BRAP: variants seen among roughly 807,000 people sequenced by gnomAD.
The protein encoded by BRAP is BRCA1-associated protein.
A neutral mutation model predicts 73.4 loss-of-function variants in BRAP; 42 were observed. That is an observed-to-expected ratio of 0.57 (90% CI 0.45 to 0.74). The LOEUF is 0.74. Ranked by LOEUF, BRAP falls within the 30% of genes least tolerant of loss-of-function variation. The pLI, the probability that BRAP is intolerant of heterozygous loss-of-function variation, is 0.00. For synonymous variants in BRAP, 255 were observed against 267.4 expected, an observed-to-expected ratio of 0.95 and a Z score of 0.45; for missense variants, 593 against 751.4, an observed-to-expected ratio of 0.79 and a Z score of 2.46.
intron 3 of BRAP, 116 bp downstream of exon 3, chr12:111,681,521 T>C: frequency 2.6e-6 from 2 of 772,270 alleles, no homozygotes; most frequent in Non-Finnish European, 4.0e-6. Context: ...ACAAAAGTAT[T>C]ATTATTTTGA....
At chr12:111,677,543 G>C (rs961310707) in intron 4 of BRAP, among the ~76,000 whole-genome samples, 1 of 152,162 alleles carries the variant, frequency 6.6e-6, no homozygotes, top group Admixed American at 6.6e-5. Context: ...CACAGTTTCC[G>C]CAAGGGATTG....
chr12:111,646,331 C>T (rs1190418542), intron 11 of BRAP, among the ~76,000 whole-genome samples: 4 of 151,838 alleles, frequency 2.6e-5, no homozygotes, highest in Admixed American at 6.6e-5. Flanking sequence ...ACAAAAACCA[C>T]GAACAAAAAA....
intron 2 of BRAP, 47 bp downstream of exon 2, chr12:111,683,099 C>T (rs1887665558): frequency 4.5e-6 from 7 of 1,571,308 alleles, no homozygotes; most frequent in Non-Finnish European, 8.6e-7. Context: ...AAATAGGCAA[C>T]CAGTGTTCAC....
chr12:111,663,285 C>G (rs999313564), intron 6 of BRAP, among the ~76,000 whole-genome samples: 1 of 151,974 alleles, frequency 6.6e-6, no homozygotes, highest in Non-Finnish European at 1.5e-5. Flanking sequence ...AAAACCCCAT[C>G]TCTACTAAAA....
chr12:111,652,951 C>T (rs745956307), intron 10 of BRAP, among the ~76,000 whole-genome samples: 12 of 152,148 alleles, frequency 7.9e-5, no homozygotes, highest in African/African-American at 1.7e-4. Flanking sequence ...CCTCATGATC[C>T]GCCCGCCTTG....
chr12:111,659,242 T>C lies in BRAP; in HGVS notation c.1076A>G (p.Gln359Arg). The change falls in exon 8 of 12, where the codon CAG becomes CGG. Residue 359 changes from glutamine to arginine, a missense_variant. By Grantham distance (43) the Gln-to-Arg change is conservative. Transcript: ENST00000419234. ...FEETQHTYAM[Q>R]LTNHRVWDYA... Reference sequence around the variant, plus strand: ...GTCCCAGACTCGATGGTTGGTAAGCTGCATGGCATACGTGTGCTGCGTTTC... The same window carrying C: ...GTCCCAGACTCGATGGTTGGTAAGCCGCATGGCATACGTGTGCTGCGTTTC... 2 of 1,614,154 alleles carry C rather than the reference T, an allele frequency of 1.2e-6. No homozygotes were observed. Among genetic ancestry groups the C allele is most frequent in the Non-Finnish European group, 1.7e-6 (2 of 1,180,030 alleles).
At chr12:111,667,078 A>C (rs1405030253) in intron 5 of BRAP, among the ~76,000 whole-genome samples, 1 of 152,174 alleles carries the variant, frequency 6.6e-6, no homozygotes, top group African/African-American at 2.4e-5. Flanking sequence ...AATGGACAAA[A>C]ATTGATAGTT....
intron 10 of BRAP, among the ~76,000 whole-genome samples, chr12:111,653,753 G>C (rs925144731): frequency 3.3e-5 from 5 of 152,128 alleles, no homozygotes; most frequent in African/African-American, 1.2e-4. Context: ...GGGTGCTAAC[G>C]GACAAGGGAC....
chr12:111,644,454 T>C lies in BRAP; in HGVS notation c.1524A>G (p.Leu508=), dbSNP rs747235004. 2.5e-6 allele frequency: 4 copies of C among 1,614,110 alleles called. No individual in the cohort carries two copies. The highest frequency in any genetic ancestry group is 3.4e-6 in the Non-Finnish European group (4 of 1,180,012). ...RANQVLLQNK[L]KEEERVLKET... is the part of the protein sequence containing the mutation. ...CCTTCAGCACCCTCTCCTCCTCTTT[T>C]AGCTTGTTCTGCAGGAGGACTTGGT... Residue 508 remains leucine (L), a synonymous_variant, in exon 12 of 12, where the codon CTA becomes CTG. Transcript: ENST00000419234.
chr12:111,656,256 G>A (rs1467668083), intron 9 of BRAP, among the ~76,000 whole-genome samples: 2 of 152,226 alleles, frequency 1.3e-5, no homozygotes, highest in Admixed American at 6.6e-5. Context: ...ACAGGGAAGG[G>A]ACAGATGGCG....
chr12:111,644,040 ATTC>A lies in BRAP; in HGVS notation c.*156_*158del. ...CAGCTCTCCAGTCAGCACCCTTTAC[ATTC>A]ACTACATCACACACTAGCAAATGAA... On this transcript the variant is annotated 3_prime_UTR_variant, in exon 12 of 12. Transcript: ENST00000419234. 2 of 1,168,586 alleles carry A rather than the reference ATTC, an allele frequency of 1.7e-6. No individual in the cohort carries two copies. The highest frequency in any genetic ancestry group is 2.3e-6 in the Non-Finnish European group (2 of 856,106). The allele number at this position is 1,168,586 out of a possible 1,614,324, so 72.4% of individuals were successfully genotyped here.
At chr12:111,673,783 C>T (rs1477537284) in intron 4 of BRAP, among the ~76,000 whole-genome samples, 1 of 152,066 alleles carries the variant, frequency 6.6e-6, no homozygotes, top group East Asian at 1.9e-4. Flanking sequence ...CATTTGCTAG[C>T]GTTAGAAAAT....
At chr12:111,648,866 C>T (rs543152805) in intron 11 of BRAP, among the ~76,000 whole-genome samples, 1 of 151,174 alleles carries the variant, frequency 6.6e-6, no homozygotes, top group Admixed American at 6.6e-5. Flanking sequence ...GCGGAGCTTG[C>T]AGTGAGCCGA....
intron 10 of BRAP, among the ~76,000 whole-genome samples, chr12:111,651,358 C>T (rs1449274322): frequency 2.6e-5 from 4 of 151,748 alleles, no homozygotes; most frequent in African/African-American, 4.8e-5. Flanking sequence ...GCCAAGATGG[C>T]GAAAGCCCGT....
chr12:111,683,145 C>T lies in BRAP; in HGVS notation c.244+1G>A, dbSNP rs1423731191. On this transcript the variant is annotated splice_donor_variant, in intron 2 of 11. Coordinates refer to ENST00000419234, the MANE Select transcript of BRAP (RefSeq NM_006768.5). LOFTEE classifies it high-confidence loss of function. ...AGAGTCCAGGGTTTTAGAAAGCATA[C>T]CTGGGTTGGACTTCATGGTCTCAAT... The T allele has an allele frequency of 1.9e-6, 3 of 1,612,392 alleles. No homozygotes were observed. The highest frequency in any genetic ancestry group is 3.4e-5 in the Admixed American group (2 of 59,568).
In BRAP at chr12:111,685,721, G is replaced by A. The variant is rs2135935933; in HGVS notation, c.72C>T (p.Phe24=). The change falls in exon 1 of 12, where the codon TTC becomes TTT. Residue 24 remains phenylalanine, a synonymous_variant. Coordinates refer to ENST00000419234, the MANE Select transcript of BRAP (RefSeq NM_006768.5). ...GGCCGCGGGACTCACCCGCGGCGCT[G>A]AAGCCGAAGCCGGCGGGGACAGGCG... ...EHSPVPAGFG[F]SAAAGEMSDE... 2 of 1,606,642 alleles carry A rather than the reference G, an allele frequency of 1.2e-6. No homozygotes were observed. Among genetic ancestry groups the A allele is most frequent in the Non-Finnish European group, 1.7e-6 (2 of 1,177,812 alleles).
chr12:111,667,902 T>C (rs937061369), intron 5 of BRAP, among the ~76,000 whole-genome samples: 2 of 151,802 alleles, frequency 1.3e-5, no homozygotes, highest in East Asian at 1.9e-4. Context: ...AAATCAACCA[T>C]GTAATTTTAC....
chr12:111,681,764 G>T lies in BRAP; in HGVS notation c.316C>A (p.His106Asn). 2 of 1,614,068 alleles carry T rather than the reference G, an allele frequency of 1.2e-6. No individual in the cohort carries two copies. The highest frequency in any genetic ancestry group is 2.2e-5 in the South Asian group (2 of 91,064). ...ASPTAQRSKDHSKECINAAPD... is the reference protein window; with the variant it reads ...ASPTAQRSKDNSKECINAAPD... ...GCAGCGTTTATGCATTCCTTACTGT[G>T]ATCTTTACTTCTTTGCGCAGTGGGG... The change falls in exon 3 of 12, where the codon CAC (histidine) becomes AAC (asparagine). Residue 106 changes from histidine to asparagine, a missense_variant. This residue lies in a region of BRAP where 304 missense variants were observed against 337.7 expected (regional missense o/e 0.90). Transcript: ENST00000419234.
Position 111,667,698 on chromosome 12 carries a change from C to CAAAAAAAAAAAAAAA in BRAP, c.748-1926_748-1912dup, listed in dbSNP as rs565349424. Among the ~76,000 whole-genome samples, 187 of 21,268 alleles carry CAAAAAAAAAAAAAAA rather than the reference C, an allele frequency of 8.8e-3. 51 individuals carry two copies. In the East Asian group the frequency reaches 0.23, roughly 27 times the overall value. The allele number at this position is 21,268 out of a possible 152,430, so 14.0% of individuals were successfully genotyped here. A position where few individuals can be genotyped will look rare whatever the true frequency, so the allele number is the denominator to read the frequency against. On this transcript the variant is annotated intron_variant, in intron 5 of 11. Coordinates refer to ENST00000419234, the MANE Select transcript of BRAP (RefSeq NM_006768.5). ...TGGGAGACAGAGTGAAACTCCGTCT[C>CAAAAAAAAAAAAAAA]AAAAAAAAAAAAAAAAAAAAAAAGC...
Sources: allele counts gnomAD v4.1 joint callset (sites outside exome capture counted in the v4.1 genomes callset), GRCh38; gene constraint gnomAD v4.1.1; regional missense constraint gnomAD v4.1.1; transcripts MANE v1.5; gene names NCBI Gene and HGNC (gene_info 2026-07-23, HGNC 2026-07-21).